Variants in DCAF1 observed in about 807,000 individuals in gnomAD.
The protein encoded by DCAF1 is DDB1- and CUL4-associated factor 1.
DCAF1 carries 15 observed loss-of-function variants against 128.0 expected under a neutral mutation model. The observed-to-expected ratio is 0.12, with a 90% CI of 0.08 to 0.18. The LOEUF (loss-of-function observed/expected upper bound fraction) is 0.18, where lower values mean the gene tolerates loss of function less well. Among genes scored for constraint, DCAF1 ranks in the 10% least tolerant of loss-of-function variants. DCAF1 has a pLI of 1.00. For missense variants in DCAF1, 988 were observed against 1,649.5 expected, an observed-to-expected ratio of 0.60 and a Z score of 6.95; for synonymous variants, 610 against 603.0, an observed-to-expected ratio of 1.01 and a Z score of -0.17.
chr3:51,434,693 T>G (rs1250528883), intron 9 of DCAF1, among the ~76,000 whole-genome samples: 2 of 152,348 alleles, frequency 1.3e-5, no homozygotes, highest in East Asian at 1.9e-4. Context: ...TTGAGCAAAG[T>G]ATCTAAACAA....
Position 51,398,470 on chromosome 3 carries a change from C to T in DCAF1, c.*299G>A, listed in dbSNP as rs2089373345. 2 of 326,652 alleles carry T rather than the reference C, an allele frequency of 6.1e-6. No individual in the cohort carries two copies. Among genetic ancestry groups the T allele is most frequent in the South Asian group, 1.2e-4 (2 of 16,646 alleles). The allele number at this position is 326,652 out of a possible 1,614,324, so 20.2% of individuals were successfully genotyped here. A position where few individuals can be genotyped will look rare whatever the true frequency, so the allele number is the denominator to read the frequency against. ...ACAAAGAAAATATATTGTGAAATACCCCAGAGACATGGTTTTTTTTTCCCC... is the reference window on the plus strand; with the variant it reads ...ACAAAGAAAATATATTGTGAAATACTCCAGAGACATGGTTTTTTTTTCCCC... On this transcript the variant is annotated 3_prime_UTR_variant, in exon 25 of 25. Coordinates refer to ENST00000684031, the MANE Select transcript of DCAF1 (RefSeq NM_001387579.1).
At chr3:51,476,847 C>T (rs1705520884) in intron 3 of DCAF1, among the ~76,000 whole-genome samples, 1 of 152,020 alleles carries the variant, frequency 6.6e-6, no homozygotes, top group Non-Finnish European at 1.5e-5. Flanking sequence ...TGCACTCCAG[C>T]CTGGGCAACA....
At chr3:51,444,225 G>C (rs1559519217) in intron 6 of DCAF1, among the ~76,000 whole-genome samples, 1 of 152,060 alleles carries the variant, frequency 6.6e-6, no homozygotes, top group East Asian at 1.9e-4. Context: ...CTCCCAAAAG[G>C]CTCCATGATC....
chr3:51,490,414 T>C (rs1404101171), intron 2 of DCAF1, among the ~76,000 whole-genome samples: 3 of 152,020 alleles, frequency 2.0e-5, no homozygotes, highest in African/African-American at 7.2e-5. Flanking sequence ...ATTGAAGACA[T>C]AGCGGGACCC....
At chr3:51,486,704 G>A (rs1553655604) in intron 2 of DCAF1, among the ~76,000 whole-genome samples, 1 of 151,964 alleles carries the variant, frequency 6.6e-6, no homozygotes, top group Non-Finnish European at 1.5e-5. Flanking sequence ...CACGATCTCG[G>A]CTCACTGCGA....
At chr3:51,450,762 G>A (rs901245565) in intron 6 of DCAF1, among the ~76,000 whole-genome samples, 5 of 152,114 alleles carry the variant, frequency 3.3e-5, no homozygotes, top group Non-Finnish European at 5.9e-5. Context: ...GGTTACAGGC[G>A]TGAGCCACCA....
At chr3:51,440,924 A>C in intron 9 of DCAF1, 46 bp downstream of exon 9, 4 of 1,503,172 alleles carry the variant, frequency 2.7e-6, no homozygotes, top group Non-Finnish European at 3.6e-6. Context: ...AAAAAAACAA[A>C]GTTTTTAAAA....
chr3:51,459,332 A>G (rs1703283214), intron 6 of DCAF1, among the ~76,000 whole-genome samples: 1 of 152,232 alleles, frequency 6.6e-6, no homozygotes, highest in Non-Finnish European at 1.5e-5. Flanking sequence ...TCCTCGACAC[A>G]TACATCCTCC....
intron 3 of DCAF1, among the ~76,000 whole-genome samples, chr3:51,476,850 G>A (rs568789638): frequency 1.3e-5 from 2 of 152,172 alleles, no homozygotes; most frequent in South Asian, 4.1e-4. Flanking sequence ...ACTCCAGCCT[G>A]GGCAACAGAG....
intron 9 of DCAF1, chr3:51,437,231 G>A (rs1700917158): frequency 2.5e-5 from 9 of 363,764 alleles, no homozygotes; most frequent in South Asian, 1.7e-4. Flanking sequence ...CCACTGCACT[G>A]CACTCCAGCC....
At chr3:51,406,727 G>A (rs1553626764) in intron 23 of DCAF1, among the ~76,000 whole-genome samples, 1 of 152,108 alleles carries the variant, frequency 6.6e-6, no homozygotes, top group African/African-American at 2.4e-5. Flanking sequence ...GAGGAAGCAT[G>A]CTACCCACTC....
chr3:51,456,693 T>G (rs1341708164), intron 6 of DCAF1, among the ~76,000 whole-genome samples: 1 of 152,178 alleles, frequency 6.6e-6, no homozygotes, highest in East Asian at 1.9e-4. Flanking sequence ...CTCACACGGC[T>G]GGGTACTCCT....
chr3:51,471,595 T>A (rs1456477032), intron 3 of DCAF1, among the ~76,000 whole-genome samples: 1 of 152,056 alleles, frequency 6.6e-6, no homozygotes, highest in Admixed American at 6.5e-5. Flanking sequence ...TTGCTGGGCA[T>A]GATGGCTCAC....
chr3:51,453,523 T>G (rs943018798), intron 6 of DCAF1, among the ~76,000 whole-genome samples: 1 of 151,968 alleles, frequency 6.6e-6, no homozygotes, highest in Non-Finnish European at 1.5e-5. Context: ...TCCTAGCTAC[T>G]TGGGAGGCTG....
chr3:51,459,153 T>C (rs1418892010), intron 6 of DCAF1, among the ~76,000 whole-genome samples: 3 of 152,078 alleles, frequency 2.0e-5, no homozygotes, highest in Non-Finnish European at 4.4e-5. Flanking sequence ...ACAAAATTGA[T>C]AGACCGCTAG....
chr3:51,442,373 C>T lies in DCAF1; in HGVS notation c.514-476G>A, dbSNP rs782039521. On this transcript the variant is annotated intron_variant, in intron 7 of 24. Transcript: ENST00000684031. ...TTTAAGTACATACTTTTTGGGCCAA[C>T]GCTATAAAGTGGTACTGTGTTTCAT... 3.9e-5 allele frequency among the ~76,000 whole-genome samples: 6 copies of T among 152,048 alleles called. No individual in the cohort carries two copies. In the East Asian group the frequency reaches 7.7e-4, roughly 20 times the overall value.
In DCAF1 at chr3:51,463,199, C is replaced by T. The variant is rs371807205; in HGVS notation, c.290G>A (p.Arg97Gln). ...AGCTGCAGTGTTTAAAGGGGGCTCT[C>T]GGCTTGTCATCACATATGCATTCAC... ...ALVNAYVMTS[R>Q]EPPLNTAACR... Residue 97 changes from arginine to glutamine, a missense_variant, in exon 6 of 25, where the codon CGA becomes CAA. Physicochemically the swap from Arg to Gln is conservative, Grantham distance 43. Around this residue, in one of 11 missense-constraint regions of DCAF1, gnomAD observed 210 missense variants for 260.2 expected, o/e 0.81. Transcript: ENST00000684031. The T allele has an allele frequency of 3.8e-6, 6 of 1,588,064 alleles. No individual in the cohort carries two copies. Among genetic ancestry groups the T allele is most frequent in the Non-Finnish European group, 5.1e-6 (6 of 1,166,426 alleles).
rs562839539 is a variant in DCAF1 at position 51,422,889 on chromosome 3, T to C, written c.1848-458A>G. 1.6e-4 allele frequency among the ~76,000 whole-genome samples: 25 copies of C among 151,850 alleles called. No individual in the cohort carries two copies. In the South Asian group the frequency reaches 5.0e-3, roughly 30 times the overall value. On this transcript the variant is annotated intron_variant, in intron 13 of 24. Coordinates refer to ENST00000684031, the MANE Select transcript of DCAF1 (RefSeq NM_001387579.1). The stretch of plus-strand genomic sequence containing the variant: ...GACCAGAATGGGCAACATGGTTTTA[T>C]CTTTTTCTATAAAAAAAAAATATAA...
chr3:51,491,659 C>T (rs1553657994), intron 2 of DCAF1, among the ~76,000 whole-genome samples: 1 of 152,064 alleles, frequency 6.6e-6, no homozygotes, highest in Admixed American at 6.6e-5. Context: ...CCAGACTGGC[C>T]AACATTGTGA....
Sources: gnomAD v4.1 joint callset for allele counts (sites outside exome capture counted in the v4.1 genomes callset) on GRCh38, gnomAD v4.1.1 for gene constraint, gnomAD v4.1.1 regional missense constraint, MANE v1.5 for transcripts, NCBI Gene and HGNC (gene_info 2026-07-23, HGNC 2026-07-21) for gene names.